ATF7: variants seen among roughly 807,000 people sequenced by gnomAD.
ATF7 encodes activating transcription factor 7.
In ATF7, 10 loss-of-function variants were observed where a neutral mutation model predicts 50.4. The observed-to-expected ratio is 0.20, with a 90% CI of 0.12 to 0.34. The LOEUF (loss-of-function observed/expected upper bound fraction) is 0.34. ATF7 is among the 10% of genes least tolerant of loss of function. The pLI is 1.00. For synonymous variants in ATF7, 201 were observed against 226.4 expected, an observed-to-expected ratio of 0.89 and a Z score of 1.01; for missense variants, 465 against 613.9, an observed-to-expected ratio of 0.76 and a Z score of 2.56.
In ATF7 at chr12:53,586,813, A is replaced by G. The variant is rs899055252; in HGVS notation, c.48+14140T>C. On this transcript the variant is annotated intron_variant, in intron 2 of 11. Coordinates refer to ENST00000420353, the MANE Select transcript of ATF7 (RefSeq NM_006856.3). ...CACACACAAATACACACACACACGC[A>G]CACACGTGCACGCTCACACACAACT... is the stretch of plus-strand genomic sequence containing the variant. 5.3e-4 allele frequency among the ~76,000 whole-genome samples: 80 copies of G among 152,288 alleles called. 1 individual carries two copies. Among genetic ancestry groups the G allele is most frequent in the Non-Finnish European group, 9.9e-4 (67 of 68,014 alleles).
At chr12:53,585,560 A>G (rs918595166) in intron 2 of ATF7, among the ~76,000 whole-genome samples, 1 of 152,216 alleles carries the variant, frequency 6.6e-6, no homozygotes, top group East Asian at 1.9e-4. Flanking sequence ...AAATGAAAAA[A>G]GAAAAGACTG....
At chr12:53,583,498 A>G (rs559956797) in intron 2 of ATF7, among the ~76,000 whole-genome samples, 10 of 152,092 alleles carry the variant, frequency 6.6e-5, no homozygotes, top group Admixed American at 2.6e-4. Context: ...TTATAATTTA[A>G]TAATACTATA....
At chr12:53,610,681 CTGTTATATATGCTTATTATATATAAACA>C (rs796465958) in intron 1 of ATF7, among the ~76,000 whole-genome samples, 1 of 151,734 alleles carries the variant, frequency 6.6e-6, no homozygotes, top group African/African-American at 2.4e-5. Context: ...GTAACAGGTA[CTGTTATATATGCTTATTATATATAAACA>C]TGTTACATAT....
intron 1 of ATF7, among the ~76,000 whole-genome samples, chr12:53,623,526 TTA>T (rs778786566): frequency 4.7e-4 from 71 of 152,358 alleles, no homozygotes; most frequent in Non-Finnish European, 6.5e-4. Flanking sequence ...TTTAGTACTT[TTA>T]TTAAGGGATA....
rs543268999 is a variant in ATF7, at chr12:53,602,147, C to A, written c.-21-1126G>T. Among the ~76,000 whole-genome samples, 118 of 152,244 alleles carry A rather than the reference C, an allele frequency of 7.8e-4. 1 individual carries two copies. Among genetic ancestry groups the A allele is most frequent in the African/African-American group, 2.7e-3 (112 of 41,546 alleles). ...GTGGGGGGTAAAATAGTCTTATAAA[C>A]TCCTAAAGGATATTTTCAAACATCC... On this transcript the variant is annotated intron_variant, in intron 1 of 11. Coordinates refer to ENST00000420353, the MANE Select transcript of ATF7 (RefSeq NM_006856.3).
chr12:53,543,144 C>A, intron 4 of ATF7, 186 bp downstream of exon 4: 1 of 1,485,768 alleles, frequency 6.7e-7, no homozygotes. Flanking sequence ...GCTGATCCAT[C>A]ATCTGGAACT....
At chr12:53,545,546 G>C (rs962783254) in intron 3 of ATF7, among the ~76,000 whole-genome samples, 1 of 152,030 alleles carries the variant, frequency 6.6e-6, no homozygotes, top group African/African-American at 2.4e-5. Context: ...ATGTTGGTCA[G>C]GCTGGTCTCG....
chr12:53,554,013 G>A lies in ATF7; in HGVS notation c.49-1376C>T, dbSNP rs143933496. Among the ~76,000 whole-genome samples, 326 of 152,320 alleles carry A rather than the reference G, an allele frequency of 2.1e-3. 2 individuals carry two copies. The highest frequency in any genetic ancestry group is 3.1e-3 in the East Asian group (16 of 5,184). On this transcript the variant is annotated intron_variant, in intron 2 of 11. Coordinates refer to ENST00000420353, the MANE Select transcript of ATF7 (RefSeq NM_006856.3). ...TCCCAGGCTGGTCGCGATGGCTCAT[G>A]CCTGTAATTGCAGCACTTTGGGAGG... is the stretch of plus-strand genomic sequence containing the variant.
intron 1 of ATF7, among the ~76,000 whole-genome samples, chr12:53,614,819 G>A (rs1256215174): frequency 6.6e-6 from 1 of 152,206 alleles, no homozygotes; most frequent in Admixed American, 6.5e-5. Context: ...GGTGGCTCAT[G>A]CCTGTAATCC....
intron 6 of ATF7, 69 bp from the exon 7 acceptor site, chr12:53,533,328 A>G: frequency 7.5e-7 from 1 of 1,340,666 alleles, no homozygotes; most frequent in Non-Finnish European, 1.1e-6. Context: ...TCTTATAATT[A>G]CAGAAGATTT....
At chr12:53,569,114 G>A (rs1357709605) in intron 2 of ATF7, among the ~76,000 whole-genome samples, 1 of 152,176 alleles carries the variant, frequency 6.6e-6, no homozygotes, top group East Asian at 1.9e-4. Context: ...TGAAGCTGCA[G>A]TAAGCTATGA....
At chr12:53,618,798 T>C (rs1226805527) in intron 1 of ATF7, among the ~76,000 whole-genome samples, 1 of 152,152 alleles carries the variant, frequency 6.6e-6, no homozygotes, top group African/African-American at 2.4e-5. Flanking sequence ...TTGCCTGTAA[T>C]CCCAGCACTT....
chr12:53,609,864 T>TG (rs1943782962), intron 1 of ATF7, among the ~76,000 whole-genome samples: 1 of 147,618 alleles, frequency 6.8e-6, no homozygotes, highest in African/African-American at 2.5e-5. Flanking sequence ...TCGCCCAGGC[T>TG]GGAGTGCAGT....
intron 2 of ATF7, among the ~76,000 whole-genome samples, chr12:53,572,121 C>T (rs1224064575): frequency 6.6e-6 from 1 of 151,994 alleles, no homozygotes; most frequent in Non-Finnish European, 1.5e-5. Context: ...ATTTCTTACT[C>T]GATTCATAAA....
At chr12:53,532,683 A>T in intron 7 of ATF7, 60 bp from the exon 8 acceptor site, 1 of 1,268,528 alleles carries the variant, frequency 7.9e-7, no homozygotes, top group Non-Finnish European at 1.1e-6. Flanking sequence ...TCGGTGGGGC[A>T]ACAGTTTCCC....
At chr12:53,605,116 C>T (rs1262937143) in intron 1 of ATF7, among the ~76,000 whole-genome samples, 3 of 152,116 alleles carry the variant, frequency 2.0e-5, no homozygotes, top group African/African-American at 7.2e-5. Flanking sequence ...GAGCCAGGCA[C>T]GGTGGTTCAT....
intron 2 of ATF7, among the ~76,000 whole-genome samples, chr12:53,576,899 T>TA (rs1942101181): frequency 6.6e-6 from 1 of 151,858 alleles, no homozygotes; most frequent in Non-Finnish European, 1.5e-5. Context: ...CTACTAAAAA[T>TA]ACAAAAGTTA....
At chr12:53,559,677 T>TAAA (rs1592869736) in intron 2 of ATF7, among the ~76,000 whole-genome samples, 1 of 51,410 alleles carries the variant, frequency 1.9e-5, no homozygotes, top group African/African-American at 8.9e-5. Flanking sequence ...AGACTCCATC[T>TAAA]CAAAAAAAAA....
At chr12:53,612,517 C>A (rs1006405160) in intron 1 of ATF7, among the ~76,000 whole-genome samples, 32 of 152,118 alleles carry the variant, frequency 2.1e-4, no homozygotes, top group Non-Finnish European at 7.4e-5. Flanking sequence ...CGTGATCCAC[C>A]CGCTTCAGCC....
Sources: gnomAD v4.1 joint callset for allele counts (sites outside exome capture counted in the v4.1 genomes callset) on GRCh38, gnomAD v4.1.1 for gene constraint, MANE v1.5 for transcripts, NCBI Gene and HGNC (gene_info 2026-07-23, HGNC 2026-07-21) for gene names.